ECT2L: variants seen among roughly 807,000 people sequenced by gnomAD.
The protein encoded by ECT2L is epithelial cell transforming 2 like.
Under a neutral mutation model 122.8 loss-of-function variants are expected in ECT2L, and 126 were observed. The observed-to-expected ratio is 1.03, with a 90% confidence interval of 0.89 to 1.19. The LOEUF (loss-of-function observed/expected upper bound fraction) is 1.19. Ranked by LOEUF, ECT2L falls within the 50% of genes most tolerant of loss-of-function variation. The pLI, the probability that ECT2L is intolerant of heterozygous loss-of-function variation, is 0.00. For missense variants in ECT2L, 1,012 were observed against 1,064.1 expected, an observed-to-expected ratio of 0.95 and a Z score of 0.68; for synonymous variants, 385 against 381.8, an observed-to-expected ratio of 1.01 and a Z score of -0.10.
At position 138,856,459 on chromosome 6, in the gene ECT2L, C is replaced by T. The variant is rs560471173; in HGVS notation, c.1198+2305C>T. On this transcript the variant is annotated intron_variant, in intron 10 of 21. Coordinates refer to ENST00000541398, the MANE Select transcript of ECT2L (RefSeq NM_001077706.3). ...AGAACTTCTGACCTCATGATCCGCC[C>T]ACCTCAGCCTCCCAAAGTGCTGGGA... Among the ~76,000 whole-genome samples, 5 of 152,296 alleles carry T rather than the reference C, an allele frequency of 3.3e-5. No homozygotes were observed. In the East Asian group the frequency reaches 9.6e-4, roughly 29 times the overall value.
intron 19 of ECT2L, among the ~76,000 whole-genome samples, chr6:138,887,797 ATT>A (rs964807730): frequency 6.6e-6 from 1 of 151,934 alleles, no homozygotes; most frequent in African/African-American, 2.4e-5. Context: ...TTTCTTTCCT[ATT>A]TCACTGGATA....
intron 4 of ECT2L, among the ~76,000 whole-genome samples, chr6:138,829,870 T>G (rs1473594420): frequency 8.6e-5 from 13 of 152,028 alleles, no homozygotes; most frequent in Non-Finnish European, 2.9e-5. Flanking sequence ...TTACAGGCGC[T>G]CGCCACCATG....
chr6:138,889,606 C>T (rs1268151987), intron 20 of ECT2L, among the ~76,000 whole-genome samples: 1 of 152,208 alleles, frequency 6.6e-6, no homozygotes, highest in Admixed American at 6.5e-5. Flanking sequence ...AGGCATGAGC[C>T]ACTGCACCCG....
At position 138,881,136 on chromosome 6, in the gene ECT2L, T is replaced by C. The variant is rs1778632194; in HGVS notation, c.1845T>C (p.Ile615=). 8 of 1,614,040 alleles carry C rather than the reference T, an allele frequency of 5.0e-6. No homozygotes were observed. In the East Asian group the frequency reaches 1.8e-4, roughly 36 times the overall value. Residue 615 remains isoleucine (I), a synonymous_variant, in exon 15 of 22, where the codon ATT becomes ATC. Coordinates refer to ENST00000541398, the MANE Select transcript of ECT2L (RefSeq NM_001077706.3). ...TGAGTGCTGCCAATATCCAGATCATTTTCTGTGACATTCTACAGATTTTAA... is the reference window on the plus strand; with the variant it reads ...TGAGTGCTGCCAATATCCAGATCATCTTCTGTGACATTCTACAGATTTTAA... The part of the protein sequence containing the change: ...AILSAANIQI[I]FCDILQILSL...
chr6:138,848,572 T>A (rs1259385041), intron 8 of ECT2L, among the ~76,000 whole-genome samples: 2 of 152,192 alleles, frequency 1.3e-5, no homozygotes, highest in Non-Finnish European at 2.9e-5. Flanking sequence ...TAGCTCCTTT[T>A]AAGATATGAA....
At chr6:138,817,387 C>T (rs933240725) in intron 4 of ECT2L, among the ~76,000 whole-genome samples, 1 of 152,014 alleles carries the variant, frequency 6.6e-6, no homozygotes, top group African/African-American at 2.4e-5. Flanking sequence ...TCTTGCTTAC[C>T]CAATAACTGT....
chr6:138,900,808 GA>G (rs1779371410), intron 20 of ECT2L, 139 bp from the exon 21 acceptor site: 1 of 905,914 alleles, frequency 1.1e-6, no homozygotes, highest in East Asian at 2.7e-5. Context: ...ATATTATACT[GA>G]GAACTTCAAC....
intron 1 of ECT2L, among the ~76,000 whole-genome samples, chr6:138,797,144 C>G (rs560560817): frequency 6.6e-6 from 1 of 152,224 alleles, no homozygotes; most frequent in Non-Finnish European, 1.5e-5. Context: ...TTTCATTATC[C>G]ATTGCTTAGT....
intron 4 of ECT2L, among the ~76,000 whole-genome samples, chr6:138,819,802 G>A (rs1776209284): frequency 2.0e-5 from 3 of 151,762 alleles, no homozygotes; most frequent in South Asian, 4.2e-4. Flanking sequence ...CAGGAGAATC[G>A]CTTGAACCTG....
intron 20 of ECT2L, among the ~76,000 whole-genome samples, chr6:138,899,350 T>C (rs1779320317): frequency 6.6e-6 from 1 of 152,168 alleles, no homozygotes; most frequent in South Asian, 2.1e-4. Context: ...TGAAGTGATT[T>C]CCATTGCTGA....
chr6:138,842,910 C>T (rs1421243854), intron 5 of ECT2L, 69 bp from the exon 6 acceptor site: 1 of 1,357,168 alleles, frequency 7.4e-7, no homozygotes, highest in African/African-American at 1.4e-5. Flanking sequence ...TATCTGTGTA[C>T]CTGAAAATAT....
intron 15 of ECT2L, 117 bp from the exon 16 acceptor site, chr6:138,882,607 C>T: frequency 3.9e-6 from 5 of 1,274,748 alleles, no homozygotes; most frequent in Non-Finnish European, 5.4e-6. Flanking sequence ...AATGACTTGA[C>T]CAAAACCCTA....
chr6:138,798,498 A>G (rs1019988694), intron 1 of ECT2L, among the ~76,000 whole-genome samples: 14 of 152,182 alleles, frequency 9.2e-5, no homozygotes, highest in African/African-American at 3.4e-4. Flanking sequence ...CCCTATCTAC[A>G]AGAGTTTTAG....
At chr6:138,849,474 C>T (rs762450934) in intron 9 of ECT2L, 40 bp downstream of exon 9, 8 of 1,566,478 alleles carry the variant, frequency 5.1e-6, no homozygotes, top group Admixed American at 3.6e-5. Context: ...CATGGAACTT[C>T]GCGCTGTGCA....
chr6:138,863,529 T>C (rs1238056088), intron 11 of ECT2L, among the ~76,000 whole-genome samples: 1 of 152,152 alleles, frequency 6.6e-6, no homozygotes, highest in Non-Finnish European at 1.5e-5. Context: ...CGGTAGCACA[T>C]TTGGCTCTGC....
intron 9 of ECT2L, among the ~76,000 whole-genome samples, chr6:138,852,844 G>GT (rs1312522798): frequency 6.6e-6 from 1 of 152,092 alleles, no homozygotes; most frequent in Admixed American, 6.6e-5. Flanking sequence ...TATGATGGGA[G>GT]TAAGTTTATC....
chr6:138,898,193 T>C (rs1039963349), intron 20 of ECT2L, among the ~76,000 whole-genome samples: 1 of 152,194 alleles, frequency 6.6e-6, no homozygotes, highest in Non-Finnish European at 1.5e-5. Flanking sequence ...CTTTCTTGCT[T>C]CCTCTCTCCC....
At chr6:138,893,410 TA>T (rs1416909653) in intron 20 of ECT2L, among the ~76,000 whole-genome samples, 3 of 139,858 alleles carry the variant, frequency 2.1e-5, no homozygotes, top group Non-Finnish European at 3.2e-5. Context: ...AGAATATATA[TA>T]TATTTTTTTA....
At chr6:138,876,657 C>G (rs1050542505) in intron 14 of ECT2L, 99 bp downstream of exon 14, 1 of 681,800 alleles carries the variant, frequency 1.5e-6, no homozygotes, top group African/African-American at 2.0e-5. Context: ...TTGAAAATTT[C>G]CCTTTGGGGG....
Sources: gnomAD v4.1 joint callset for allele counts (sites outside exome capture counted in the v4.1 genomes callset) on GRCh38, gnomAD v4.1.1 for gene constraint, MANE v1.5 for transcripts, NCBI Gene and HGNC (gene_info 2026-07-23, HGNC 2026-07-21) for gene names.